SSBP2: variants seen among roughly 807,000 people sequenced by gnomAD.
SSBP2 encodes the protein single stranded DNA binding protein 2, also known as single-stranded DNA-binding protein 2.
In SSBP2, 17 loss-of-function variants were observed where a neutral mutation model predicts 61.8. The observed-to-expected ratio is 0.28, with a 90% confidence interval of 0.19 to 0.41. The LOEUF (loss-of-function observed/expected upper bound fraction) is 0.41, where lower values mean the gene tolerates loss of function less well. Among genes scored for constraint, SSBP2 ranks in the 10% least tolerant of loss-of-function variants. SSBP2 has a pLI of 1.00. For missense variants in SSBP2, 310 were observed against 458.7 expected, an observed-to-expected ratio of 0.68 and a Z score of 2.96; for synonymous variants, 139 against 141.3, an observed-to-expected ratio of 0.98 and a Z score of 0.12.
chr5:81,433,272 C>A (rs1285589624), intron 15 of SSBP2, among the ~76,000 whole-genome samples: 4 of 151,982 alleles, frequency 2.6e-5, no homozygotes, highest in African/African-American at 9.7e-5. Context: ...AAGAAAAATT[C>A]TTCTGCCTTG....
intron 1 of SSBP2, among the ~76,000 whole-genome samples, chr5:81,685,957 G>A (rs772939132): frequency 5.3e-5 from 8 of 152,096 alleles, no homozygotes; most frequent in African/African-American, 1.7e-4. Context: ...TCCTCAGTTC[G>A]CTATGTAAAT....
At chr5:81,660,191 C>A (rs1750568277) in intron 1 of SSBP2, among the ~76,000 whole-genome samples, 3 of 152,052 alleles carry the variant, frequency 2.0e-5, no homozygotes, top group Admixed American at 2.0e-4. Context: ...AACTAAAGAG[C>A]ATCTGCACAG....
At chr5:81,598,970 C>G (rs1744066834) in intron 4 of SSBP2, among the ~76,000 whole-genome samples, 1 of 152,184 alleles carries the variant, frequency 6.6e-6, no homozygotes, top group Non-Finnish European at 1.5e-5. Flanking sequence ...TGCAAAAAAT[C>G]TGACTCTGCC....
chr5:81,653,797 C>A (rs1749968804), intron 1 of SSBP2, among the ~76,000 whole-genome samples: 2 of 151,896 alleles, frequency 1.3e-5, no homozygotes, highest in South Asian at 4.2e-4. Flanking sequence ...GGAGTTTTTT[C>A]TTGTAAATTT....
At chr5:81,445,136 T>TTTTATATATATATA (rs1364907211) in intron 12 of SSBP2, among the ~76,000 whole-genome samples, 1 of 10,920 alleles carries the variant, frequency 9.2e-5, no homozygotes, top group Admixed American at 1.5e-3. Flanking sequence ...AAAAAAAAAA[T>TTTTATATATATATA]TTTATATATA....
Position 81,425,922 on chromosome 5 carries a change from C to T in SSBP2, c.1056+2663G>A, listed in dbSNP as rs200836278. Among the ~76,000 whole-genome samples, 10 of 152,130 alleles carry T rather than the reference C, an allele frequency of 6.6e-5. No individual in the cohort carries two copies. The East Asian group carries it at 1.9e-3, about 29-fold the overall frequency. On this transcript the variant is annotated intron_variant, in intron 16 of 16. Transcript: ENST00000320672. ...GTACTCAATAGATACTTGCTCCCTT[C>T]CCAGGCCTCCTTCTGTGATTTAACT...
intron 4 of SSBP2, among the ~76,000 whole-genome samples, chr5:81,533,696 T>G (rs1006122407): frequency 1.3e-5 from 2 of 151,916 alleles, no homozygotes; most frequent in Non-Finnish European, 2.9e-5. Context: ...GACAAACAGG[T>G]AGATACAGAC....
intron 2 of SSBP2, among the ~76,000 whole-genome samples, chr5:81,641,243 A>G (rs1748755633): frequency 6.6e-6 from 1 of 152,184 alleles, no homozygotes; most frequent in African/African-American, 2.4e-5. Flanking sequence ...AAAGGACTAA[A>G]GGAAACTACC....
At chr5:81,430,682 C>T (rs1012256480) in intron 15 of SSBP2, among the ~76,000 whole-genome samples, 4 of 151,698 alleles carry the variant, frequency 2.6e-5, no homozygotes, top group African/African-American at 9.7e-5. Flanking sequence ...GTTTTACATG[C>T]AACCTCTTCA....
In SSBP2 at chr5:81,615,576, T is replaced by G; in HGVS notation, c.198-19A>C. ...AAATACACTAAAAAAGTAATCATGG[T>G]AACATTAAGAAAATCATACAACACC... On this transcript the variant is annotated intron_variant, in intron 3 of 16. Transcript: ENST00000320672. 1.3e-6 allele frequency: 2 copies of G among 1,544,454 alleles called. No individual in the cohort carries two copies. Among genetic ancestry groups the G allele is most frequent in the Non-Finnish European group, 8.9e-7 (1 of 1,121,120 alleles).
At chr5:81,610,145 G>A (rs1202326349) in intron 4 of SSBP2, among the ~76,000 whole-genome samples, 1 of 152,184 alleles carries the variant, frequency 6.6e-6, no homozygotes, top group Non-Finnish European at 1.5e-5. Context: ...CTGGTGTGTA[G>A]GTGGGCCGAG....
At chr5:81,645,035 CT>C (rs1171182918) in intron 2 of SSBP2, among the ~76,000 whole-genome samples, 1 of 152,216 alleles carries the variant, frequency 6.6e-6, no homozygotes, top group East Asian at 1.9e-4. Context: ...TAAAATGACA[CT>C]TTTGAACACT....
intron 4 of SSBP2, among the ~76,000 whole-genome samples, chr5:81,570,578 A>G (rs975602966): frequency 6.6e-6 from 1 of 152,222 alleles, no homozygotes; most frequent in African/African-American, 2.4e-5. Context: ...AGGTAAGCAC[A>G]TCATTCCTCC....
At chr5:81,505,225 A>G (rs1371385116) in intron 5 of SSBP2, among the ~76,000 whole-genome samples, 1 of 151,338 alleles carries the variant, frequency 6.6e-6, no homozygotes, top group Non-Finnish European at 1.5e-5. Flanking sequence ...GGTTGCTTTT[A>G]TGCTACAACC....
chr5:81,446,833 A>G (rs1763431928), intron 12 of SSBP2, 35 bp downstream of exon 12: 1 of 1,582,740 alleles, frequency 6.3e-7, no homozygotes, highest in African/African-American at 1.4e-5. Context: ...TATTCTAATA[A>G]TCAAATGCCC....
intron 1 of SSBP2, among the ~76,000 whole-genome samples, chr5:81,693,951 G>A (rs956885414): frequency 1.3e-5 from 2 of 151,886 alleles, no homozygotes; most frequent in African/African-American, 4.8e-5. Flanking sequence ...ACAGACAAAT[G>A]GATAAAGAAA....
chr5:81,564,310 G>A (rs957716927), intron 4 of SSBP2, among the ~76,000 whole-genome samples: 1 of 152,130 alleles, frequency 6.6e-6, no homozygotes, highest in Non-Finnish European at 1.5e-5. Flanking sequence ...GAAGGAAGGA[G>A]GAAGAACATG....
chr5:81,594,329 C>A (rs1420857996), intron 4 of SSBP2, among the ~76,000 whole-genome samples: 1 of 152,122 alleles, frequency 6.6e-6, no homozygotes, highest in African/African-American at 2.4e-5. Flanking sequence ...CAGGAGCACC[C>A]AGATTCATAA....
chr5:81,562,195 C>G (rs374727422), intron 4 of SSBP2, among the ~76,000 whole-genome samples: 3 of 152,068 alleles, frequency 2.0e-5, no homozygotes, highest in Non-Finnish European at 4.4e-5. Context: ...CTTGAGCCAC[C>G]GCCCCCGGCC....
Sources: gnomAD v4.1 joint callset for allele counts (sites outside exome capture counted in the v4.1 genomes callset) on GRCh38, gnomAD v4.1.1 for gene constraint, MANE v1.5 for transcripts, NCBI Gene and HGNC (gene_info 2026-07-23, HGNC 2026-07-21) for gene names.